The following PRRC2C variants were observed in gnomAD, a reference collection of about 807,000 sequenced individuals.
PRRC2C encodes protein PRRC2C.
In PRRC2C, 72 loss-of-function variants were observed where a neutral mutation model predicts 317.2. The observed-to-expected ratio is 0.23, with a 90% CI of 0.19 to 0.28. The LOEUF is 0.28. Ranked by LOEUF, PRRC2C falls within the 10% of genes least tolerant of loss-of-function variation. The pLI, the probability that PRRC2C is intolerant of heterozygous loss-of-function variation, is 1.00. For missense variants in PRRC2C, 3,074 were observed against 3,459.7 expected, an observed-to-expected ratio of 0.89 and a Z score of 2.80; for synonymous variants, 1,296 against 1,205.9, an observed-to-expected ratio of 1.07 and a Z score of -1.55.
intron 3 of PRRC2C, among the ~76,000 whole-genome samples, chr1:171,513,969 C>T (rs1252641683): frequency 1.3e-5 from 2 of 152,166 alleles, no homozygotes; most frequent in Non-Finnish European, 2.9e-5. Flanking sequence ...TAACTACTTT[C>T]TTATTTTTAA....
rs890624859 is a variant in PRRC2C, at chr1:171,589,518, A to C, written c.8349A>C (p.Pro2783=). 3 of 1,289,644 alleles carry C rather than the reference A, an allele frequency of 2.3e-6. No individual in the cohort carries two copies. Among genetic ancestry groups the C allele is most frequent in the Admixed American group, 2.3e-5 (1 of 43,538 alleles). 79.9% of individuals were successfully genotyped at this position (1,289,644 alleles called of 1,614,324 possible). ...TTGLMSHARL[P]HVARGPCGSL... is the part of the protein sequence containing the mutation. ...GCCTCATGAGCCATGCTCGTTTGCC[A>C]CATGTAGCCAGGGGTCCTTGTGGAT... The change falls in exon 34 of 35, where the codon CCA becomes CCC. Residue 2783 remains proline (P), a synonymous_variant. Coordinates refer to ENST00000647382, the MANE Select transcript of PRRC2C (RefSeq NM_001387844.1).
chr1:171,551,263 C>T (rs941402648), intron 18 of PRRC2C, among the ~76,000 whole-genome samples: 7 of 152,162 alleles, frequency 4.6e-5, no homozygotes, highest in Non-Finnish European at 7.3e-5. Context: ...TATATGTCTT[C>T]TTTTGAAAAG....
chr1:171,544,864 G>A (rs1014829545), intron 16 of PRRC2C, among the ~76,000 whole-genome samples: 1 of 152,190 alleles, frequency 6.6e-6, no homozygotes, highest in Admixed American at 6.5e-5. Context: ...AAATGAATTA[G>A]TAAACCCATT....
chr1:171,523,330 G>A lies in PRRC2C; in HGVS notation c.943G>A (p.Ala315Thr), dbSNP rs1291716137. Residue 315 changes from alanine to threonine, a missense_variant, in exon 8 of 35, where the codon GCT becomes ACT. Physicochemically the swap from Ala to Thr is moderately conservative, Grantham distance 58. Around this residue, in one of 11 missense-constraint regions of PRRC2C, gnomAD observed 50 missense variants for 88.3 expected, o/e 0.57. Transcript: ENST00000647382. Reference protein sequence around the residue: ...KELDKFDNLDAEADEGWAGAQ... With the variant: ...KELDKFDNLDTEADEGWAGAQ... ...GCTTGATAAATTTGATAACCTAGAT[G>A]CTGAAGCTGATGAAGGTTGGGCAGG... 1.9e-6 allele frequency: 3 copies of A among 1,613,832 alleles called. No individual in the cohort carries two copies. The highest frequency in any genetic ancestry group is 2.5e-6 in the Non-Finnish European group (3 of 1,179,866).
In PRRC2C at chr1:171,512,358, A is replaced by G. The variant is rs949465481; in HGVS notation, c.112+158A>G. ...GCACACATTTTTCAGAGGATATGTGATAAACATCTTATAATTGAAAATTTA... is the reference window on the plus strand; with the variant it reads ...GCACACATTTTTCAGAGGATATGTGGTAAACATCTTATAATTGAAAATTTA... On this transcript the variant is annotated intron_variant, in intron 2 of 34. Transcript: ENST00000647382. 3 of 582,336 alleles carry G rather than the reference A, an allele frequency of 5.2e-6. No individual in the cohort carries two copies. In the East Asian group the frequency reaches 1.1e-4, roughly 22 times the overall value. 36.1% of individuals were successfully genotyped at this position (582,336 alleles called of 1,614,324 possible).
intron 20 of PRRC2C, 45 bp downstream of exon 20, chr1:171,561,148 A>C: frequency 6.7e-7 from 1 of 1,502,084 alleles, no homozygotes; most frequent in Non-Finnish European, 9.3e-7. Flanking sequence ...GATTTTCCCT[A>C]ATACTTCAGT....
rs561628748 is a variant in PRRC2C, at chr1:171,524,854, C to T, written c.1089C>T (p.Asn363=). ...AAGGTTCAAAAGCCTCTGAAAACAACGAAAACAAAAAAGAAACAGATGAAG... is the reference window on the plus strand; with the variant it reads ...AAGGTTCAAAAGCCTCTGAAAACAATGAAAACAAAAAAGAAACAGATGAAG... ...EDQGSKASEN[N]ENKKETDEVS... is the part of the protein sequence containing the mutation. Residue 363 remains asparagine, a synonymous_variant, in exon 10 of 35, where the codon AAC becomes AAT. Coordinates refer to ENST00000647382, the MANE Select transcript of PRRC2C (RefSeq NM_001387844.1). 22 of 1,585,870 alleles carry T rather than the reference C, an allele frequency of 1.4e-5. 1 individual carries two copies. The Admixed American group carries it at 1.6e-4, about 12-fold the overall frequency.
At chr1:171,574,880 C>G (rs903101951) in intron 24 of PRRC2C, 47 bp from the exon 25 acceptor site, 1 of 1,517,172 alleles carries the variant, frequency 6.6e-7, no homozygotes, top group African/African-American at 1.4e-5. Flanking sequence ...TACGTATATT[C>G]TGTATTAACA....
intron 29 of PRRC2C, 54 bp downstream of exon 29, chr1:171,584,241 C>G: frequency 6.9e-6 from 10 of 1,455,280 alleles, no homozygotes; most frequent in Non-Finnish European, 9.4e-6. Context: ...TGCCACAGAT[C>G]ATTTTAAGGA....
chr1:171,550,158 G>A lies in PRRC2C; in HGVS notation c.5045G>A (p.Gly1682Asp). Residue 1682 changes from glycine (G) to aspartate (D), a missense_variant, in exon 18 of 35, where the codon GGT becomes GAT. Physicochemically the swap from Gly to Asp is moderately conservative, Grantham distance 94. Around this residue, in one of 11 missense-constraint regions of PRRC2C, gnomAD observed 640 missense variants for 676.1 expected, o/e 0.95. Transcript: ENST00000647382. The stretch of plus-strand genomic sequence containing the variant: ...CCCCAGTCAAATTTGAATGATGATG[G>A]TTTTACTGAAGTGGTATCCAAAAAA... ...EDPQSNLNDD[G>D]FTEVVSKKQQ... 1 of 1,607,998 alleles carries A rather than the reference G, an allele frequency of 6.2e-7. No individual in the cohort carries two copies. The highest frequency in any genetic ancestry group is 8.5e-7 in the Non-Finnish European group (1 of 1,176,792).
In PRRC2C at chr1:171,566,699, A is replaced by G. The variant is rs1222995629; in HGVS notation, c.6414A>G (p.Pro2138=). ...TAAAAGATGCCCAACAGGTGGAGCC[A>G]GAAGGACAAGAGAAACCAAGCCCAG... ...RKVKDAQQVE[P]EGQEKPSPAT... Residue 2138 remains proline, a synonymous_variant, in exon 22 of 35, where the codon CCA becomes CCG. Transcript: ENST00000647382. The G allele has an allele frequency of 1.9e-6, 3 of 1,613,502 alleles. No homozygotes were observed. Among genetic ancestry groups the G allele is most frequent in the Admixed American group, 1.7e-5 (1 of 59,928 alleles).
At chr1:171,554,518 A>T (rs1680959989) in intron 18 of PRRC2C, among the ~76,000 whole-genome samples, 1 of 152,160 alleles carries the variant, frequency 6.6e-6, no homozygotes, top group Non-Finnish European at 1.5e-5. Flanking sequence ...TTATGATGTT[A>T]GCTGGTTGTT....
chr1:171,567,863 A>G (rs1490333067), intron 22 of PRRC2C, among the ~76,000 whole-genome samples: 1 of 152,180 alleles, frequency 6.6e-6, no homozygotes, highest in South Asian at 2.1e-4. Context: ...CTTCCAGAAC[A>G]ACTTTACAAC....
rs547336888 is a variant in PRRC2C, at chr1:171,497,517, G to C, written c.-58+11782G>C. Among the ~76,000 whole-genome samples, 20 of 152,018 alleles carry C rather than the reference G, an allele frequency of 1.3e-4. No homozygotes were observed. In the East Asian group the frequency reaches 3.9e-3, roughly 29 times the overall value. ...GGGTCTTACTCTGTCTATTGCCGAG[G>C]CTGTAATACAGTGGCACAGTCATGG... On this transcript the variant is annotated intron_variant, in intron 1 of 34. Coordinates refer to ENST00000647382, the MANE Select transcript of PRRC2C (RefSeq NM_001387844.1).
chr1:171,569,290 G>T (rs1401497021), intron 23 of PRRC2C, among the ~76,000 whole-genome samples: 1 of 151,118 alleles, frequency 6.6e-6, no homozygotes, highest in Non-Finnish European at 1.5e-5. Flanking sequence ...CTATCATTTT[G>T]AGTTATAAAA....
At chr1:171,499,681 G>A (rs763371035) in intron 1 of PRRC2C, among the ~76,000 whole-genome samples, 3 of 152,184 alleles carry the variant, frequency 2.0e-5, no homozygotes, top group African/African-American at 4.8e-5. Flanking sequence ...GCAGACACCT[G>A]TAATCCCAGC....
At chr1:171,510,219 T>C (rs1671070352) in intron 1 of PRRC2C, 1 of 152,034 alleles carries the variant, frequency 6.6e-6, no homozygotes, top group South Asian at 2.1e-4. Flanking sequence ...TAGATACAGG[T>C]TGGTTTGGAG....
intron 33 of PRRC2C, 72 bp from the exon 34 acceptor site, chr1:171,589,297 T>C: frequency 3.5e-6 from 3 of 864,540 alleles, no homozygotes; most frequent in Non-Finnish European, 4.7e-6. Flanking sequence ...GCCAACCTGG[T>C]CTAGTTGGCA....
intron 20 of PRRC2C, among the ~76,000 whole-genome samples, chr1:171,563,153 TGAAAG>T (rs1214426075): frequency 6.6e-6 from 1 of 151,920 alleles, no homozygotes; most frequent in Admixed American, 6.6e-5. Context: ...TAAGAGGAAA[TGAAAG>T]GAAAGATGAG....
Sources: allele counts gnomAD v4.1 joint callset (sites outside exome capture counted in the v4.1 genomes callset), GRCh38; gene constraint gnomAD v4.1.1; regional missense constraint gnomAD v4.1.1; transcripts MANE v1.5; gene names NCBI Gene and HGNC (gene_info 2026-07-23, HGNC 2026-07-21).